Variants in PLEKHD1 observed in about 807,000 individuals in gnomAD.
PLEKHD1 encodes the protein pleckstrin homology domain-containing family D member 1.
A neutral mutation model predicts 69.2 loss-of-function variants in PLEKHD1; 51 were observed. That is an observed-to-expected ratio of 0.74 (90% CI 0.59 to 0.93). PLEKHD1 has a LOEUF of 0.93. PLEKHD1 is among the 40% of genes least tolerant of loss of function. The pLI is 0.00. For synonymous variants in PLEKHD1, 236 were observed against 244.7 expected, an observed-to-expected ratio of 0.96 and a Z score of 0.33; for missense variants, 584 against 641.0, an observed-to-expected ratio of 0.91 and a Z score of 0.96.
upstream of PLEKHD1, among the ~76,000 whole-genome samples, chr14:69,482,811 T>G (rs1368995001): frequency 6.6e-6 from 1 of 151,336 alleles, no homozygotes; most frequent in Admixed American, 6.6e-5. Flanking sequence ...ATCCCAGCAT[T>G]TTGGGAGGCT....
At chr14:69,500,841 A>C (rs1466081917) in intron 3 of PLEKHD1, 30 bp from the exon 4 acceptor site, 3 of 1,551,100 alleles carry the variant, frequency 1.9e-6, no homozygotes, top group East Asian at 4.9e-5. Flanking sequence ...GCTGCCTCTC[A>C]GGCATGCGCA....
chr14:69,485,973 G>A (rs368996049), intron 1 of PLEKHD1, among the ~76,000 whole-genome samples: 1 of 152,246 alleles, frequency 6.6e-6, no homozygotes, highest in South Asian at 2.1e-4. Context: ...CACAGCCCTG[G>A]ACTTGCAGGA....
chr14:69,523,232 T>A (rs991655984), intron 7 of PLEKHD1, among the ~76,000 whole-genome samples: 21 of 152,180 alleles, frequency 1.4e-4, no homozygotes, highest in African/African-American at 5.1e-4. Flanking sequence ...GCACCAGGGC[T>A]AGAAATCTAT....
chr14:69,496,702 A>ATTTTT lies in PLEKHD1; in HGVS notation c.150-3395_150-3391dup, dbSNP rs375368521. On this transcript the variant is annotated intron_variant, in intron 1 of 12. Transcript: ENST00000322564. ...AGGCATGTACCACCATGCCCAGCTA[A>ATTTTT]TTTTTTTTTTTTTTTTTTTTTTAAT... 6.8e-3 allele frequency among the ~76,000 whole-genome samples: 766 copies of ATTTTT among 112,894 alleles called. 17 individuals are homozygous for ATTTTT. Among genetic ancestry groups the ATTTTT allele is most frequent in the African/African-American group, 0.026 (728 of 27,484 alleles). 74.1% of individuals were successfully genotyped at this position (112,894 alleles called of 152,430 possible). A position where few individuals can be genotyped will look rare whatever the true frequency, so the allele number is the denominator to read the frequency against.
intron 6 of PLEKHD1, among the ~76,000 whole-genome samples, chr14:69,520,824 C>T (rs952369869): frequency 6.6e-6 from 1 of 152,220 alleles, no homozygotes. Context: ...GGGAAGGGAA[C>T]GTAGCACATC....
upstream of PLEKHD1, among the ~76,000 whole-genome samples, chr14:69,483,700 A>G (rs1195290462): frequency 6.6e-6 from 1 of 152,268 alleles, no homozygotes; most frequent in Non-Finnish European, 1.5e-5. Flanking sequence ...TTCTGTTGCA[A>G]TCCGACTTCC....
chr14:69,527,449 G>A, intron 11 of PLEKHD1, 117 bp downstream of exon 11: 1 of 1,398,736 alleles, frequency 7.1e-7, no homozygotes, highest in Non-Finnish European at 9.7e-7. Context: ...GTGCTCCCTG[G>A]ATATTGAAGG....
chr14:69,519,910 C>A (rs1447273542), intron 6 of PLEKHD1, among the ~76,000 whole-genome samples: 3 of 152,054 alleles, frequency 2.0e-5, no homozygotes. Flanking sequence ...GCCTATAATC[C>A]CAGCACTTTG....
chr14:69,502,410 G>C (rs138614344), intron 5 of PLEKHD1: 93 of 244,920 alleles, frequency 3.8e-4, no homozygotes, highest in African/African-American at 1.9e-3. Context: ...TTCAGCCTGG[G>C]ACCCTCTCCC....
At chr14:69,511,887 T>C (rs1016154648) in intron 6 of PLEKHD1, among the ~76,000 whole-genome samples, 1 of 152,328 alleles carries the variant, frequency 6.6e-6, no homozygotes, top group Non-Finnish European at 1.5e-5. Context: ...TATTAGGTTT[T>C]GGTAAGGTAA....
chr14:69,497,132 C>T (rs1052612284), intron 1 of PLEKHD1, among the ~76,000 whole-genome samples: 6 of 152,134 alleles, frequency 3.9e-5, no homozygotes, highest in African/African-American at 9.7e-5. Context: ...CTGAGTCCTC[C>T]GCAGATTGGT....
chr14:69,486,762 C>G (rs1382648173), intron 1 of PLEKHD1, among the ~76,000 whole-genome samples: 1 of 152,194 alleles, frequency 6.6e-6, no homozygotes, highest in Non-Finnish European at 1.5e-5. Context: ...CTGGTCCTCC[C>G]CTTCACCACT....
intron 11 of PLEKHD1, among the ~76,000 whole-genome samples, 191 bp from the exon 12 acceptor site, chr14:69,527,592 G>A (rs531874152): frequency 1.1e-4 from 16 of 152,362 alleles, no homozygotes; most frequent in South Asian, 8.3e-4. Flanking sequence ...CTCAGCAGAC[G>A]TGCCCTGAGA....
rs1883660440 is a variant in PLEKHD1 at position 69,526,815 on chromosome 14, G to A, written c.1042G>A (p.Glu348Lys). The change falls in exon 10 of 13, where the codon GAG (glutamate) becomes AAG (lysine). Residue 348 changes from glutamate (E) to lysine (K), a missense_variant. Glu to Lys is a moderately conservative substitution (Grantham distance 56). Coordinates refer to ENST00000322564, the MANE Select transcript of PLEKHD1 (RefSeq NM_001161498.2). ...GCTGACGGCAGAGAAGCAGCAGGCTGAGCGGGAGCTCAAGGTGCGACCTGG... is the reference window on the plus strand; with the variant it reads ...GCTGACGGCAGAGAAGCAGCAGGCTAAGCGGGAGCTCAAGGTGCGACCTGG... Reference protein sequence around the residue: ...QELTAEKQQAERELKAEVKVR... With the variant: ...QELTAEKQQAKRELKAEVKVR... 3.2e-6 allele frequency: 5 copies of A among 1,546,934 alleles called. No homozygotes were observed. The highest frequency in any genetic ancestry group is 4.4e-6 in the Non-Finnish European group (5 of 1,144,736).
chr14:69,477,854 C>G, the PLEKHD1 span, among the ~76,000 whole-genome samples: 3 of 152,228 alleles, frequency 2.0e-5, no homozygotes, highest in Non-Finnish European at 4.4e-5. Context: ...TGTTGAGTAT[C>G]TGAAGCTTTT....
At chr14:69,489,558 CAAAAAAAAAAAAAA>C (rs1166429791) in intron 1 of PLEKHD1, among the ~76,000 whole-genome samples, 1 of 59,882 alleles carries the variant, frequency 1.7e-5, no homozygotes, top group Non-Finnish European at 2.8e-5. Context: ...TACTCCATCT[CAAAAAAAAAAAAAA>C]AAAAAAAAAG....
intron 1 of PLEKHD1, among the ~76,000 whole-genome samples, chr14:69,490,880 G>A (rs1313193084): frequency 4.6e-5 from 7 of 152,278 alleles, no homozygotes; most frequent in Admixed American, 6.5e-5. Context: ...CAGGAGGCTC[G>A]GAGAGGAGGG....
chr14:69,481,639 A>G (rs1882543066), upstream of PLEKHD1, among the ~76,000 whole-genome samples: 1 of 152,236 alleles, frequency 6.6e-6, no homozygotes, highest in African/African-American at 2.4e-5. Context: ...ATTACTAGCT[A>G]TGTGACTTAC....
At chr14:69,525,884 G>A (rs1166606965) in intron 8 of PLEKHD1, 60 bp from the exon 9 acceptor site, 10 of 1,485,434 alleles carry the variant, frequency 6.7e-6, no homozygotes, top group African/African-American at 4.2e-5. Flanking sequence ...AGCAGGTGAG[G>A]GCAGCCACGA....
Sources: gnomAD v4.1 joint callset for allele counts (sites outside exome capture counted in the v4.1 genomes callset) on GRCh38, gnomAD v4.1.1 for gene constraint, MANE v1.5 for transcripts, NCBI Gene and HGNC (gene_info 2026-07-23, HGNC 2026-07-21) for gene names.